Variants in FTO observed in about 807,000 individuals in gnomAD.
FTO encodes FTO alpha-ketoglutarate dependent dioxygenase, also known as alpha-ketoglutarate-dependent dioxygenase FTO.
Under a neutral mutation model 63.9 loss-of-function variants are expected in FTO, and 47 were observed. The observed-to-expected ratio is 0.74, with a 90% CI of 0.58 to 0.94. The LOEUF (loss-of-function observed/expected upper bound fraction) is 0.94. FTO is among the 40% of genes least tolerant of loss of function. FTO has a pLI of 0.00. For missense variants in FTO, 562 were observed against 618.1 expected (o/e 0.91, Z 0.96); for synonymous variants, 207 against 224.4 (o/e 0.92, Z 0.69).
intron 8 of FTO, chr16:54,013,641 A>G (rs1478161899): frequency 2.0e-5 from 3 of 152,216 alleles, no homozygotes; most frequent in Non-Finnish European, 4.4e-5. Flanking sequence ...GCCTTCAACA[A>G]CCACCACCCC....
At chr16:53,934,173 C>A (rs2082338848) in intron 8 of FTO, 64 bp downstream of exon 8, 1 of 1,566,376 alleles carries the variant, frequency 6.4e-7, no homozygotes, top group African/African-American at 1.4e-5. Context: ...TTGGCCAAGC[C>A]CTTCCTTATG....
intron 8 of FTO, among the ~76,000 whole-genome samples, chr16:54,024,786 TC>T (rs1424019711): frequency 2.6e-5 from 4 of 152,214 alleles, no homozygotes; most frequent in Non-Finnish European, 5.9e-5. Flanking sequence ...AAGGAAACAC[TC>T]CATAAAGGTA....
chr16:53,945,055 A>T (rs752723221), intron 8 of FTO, among the ~76,000 whole-genome samples: 1 of 152,042 alleles, frequency 6.6e-6, no homozygotes, highest in Non-Finnish European at 1.5e-5. Context: ...TGACTATAGG[A>T]CTCTGGGCAT....
chr16:53,759,345 A>G (rs1316837500), intron 1 of FTO, among the ~76,000 whole-genome samples: 2 of 152,238 alleles, frequency 1.3e-5, no homozygotes, highest in Non-Finnish European at 2.9e-5. Flanking sequence ...TCCAGTATTT[A>G]ACTCTGGGAG....
chr16:53,804,686 A>C (rs2078314531), intron 1 of FTO, among the ~76,000 whole-genome samples: 1 of 139,228 alleles, frequency 7.2e-6, no homozygotes, highest in African/African-American at 2.7e-5. Context: ...TGCAGCGGTG[A>C]CTCACTGCAA....
At chr16:54,091,691 C>A (rs1260351947) in intron 8 of FTO, among the ~76,000 whole-genome samples, 2 of 152,188 alleles carry the variant, frequency 1.3e-5, no homozygotes, top group African/African-American at 4.8e-5. Context: ...TGGATGTAAA[C>A]CTGTGAGTGG....
At chr16:53,833,459 A>T (rs1233680248) in intron 3 of FTO, among the ~76,000 whole-genome samples, 2 of 152,242 alleles carry the variant, frequency 1.3e-5, no homozygotes, top group African/African-American at 4.8e-5. Context: ...GGCTATTCAT[A>T]ATAGCCATCT....
intron 4 of FTO, among the ~76,000 whole-genome samples, chr16:53,866,092 AT>A (rs1321764758): frequency 6.6e-6 from 1 of 152,138 alleles, no homozygotes; most frequent in Non-Finnish European, 1.5e-5. Flanking sequence ...TTTACTGAGA[AT>A]TTTTTATCAT....
chr16:53,767,530 C>T (rs965691206), intron 1 of FTO, among the ~76,000 whole-genome samples: 11 of 151,718 alleles, frequency 7.3e-5, no homozygotes, highest in Admixed American at 7.2e-4. Flanking sequence ...AAATAAAATA[C>T]TATAATCTGA....
intron 1 of FTO, among the ~76,000 whole-genome samples, chr16:53,706,593 C>T (rs929617288): frequency 1.3e-4 from 19 of 151,824 alleles, no homozygotes; most frequent in Non-Finnish European, 1.6e-4. Flanking sequence ...GAGATGGTGT[C>T]TTGCTGTGTT....
chr16:53,773,481 T>A (rs1792420829), intron 1 of FTO, among the ~76,000 whole-genome samples: 1 of 152,154 alleles, frequency 6.6e-6, no homozygotes, highest in African/African-American at 2.4e-5. Flanking sequence ...AGGCAGCTAC[T>A]TAACGCCCTG....
chr16:54,016,778 C>T (rs2084459302), intron 8 of FTO, among the ~76,000 whole-genome samples: 1 of 152,146 alleles, frequency 6.6e-6, no homozygotes, highest in Non-Finnish European at 1.5e-5. Flanking sequence ...TGGAGCATCT[C>T]ATGGCTTTGT....
intron 8 of FTO, among the ~76,000 whole-genome samples, chr16:54,016,315 A>C (rs2144113069): frequency 6.6e-6 from 1 of 151,874 alleles, no homozygotes; most frequent in East Asian, 1.9e-4. Flanking sequence ...AAAAAAAAAA[A>C]CTGGAAGACT....
chr16:53,806,147 C>T (rs1249736464), intron 1 of FTO, among the ~76,000 whole-genome samples: 1 of 152,144 alleles, frequency 6.6e-6, no homozygotes, highest in Non-Finnish European at 1.5e-5. Context: ...TTTTTCCTCT[C>T]CTCTTTAGTG....
chr16:53,763,652 TA>T (rs1423036693), intron 1 of FTO, among the ~76,000 whole-genome samples: 1 of 152,176 alleles, frequency 6.6e-6, no homozygotes, highest in East Asian at 1.9e-4. Context: ...TTCTGTCACT[TA>T]TAAAGTCAAG....
At chr16:53,798,429 C>T (rs2078135422) in intron 1 of FTO, among the ~76,000 whole-genome samples, 1 of 152,022 alleles carries the variant, frequency 6.6e-6, no homozygotes, top group Admixed American at 6.6e-5. Context: ...CATGGCATAT[C>T]TCTTTGTTTA....
intron 8 of FTO, among the ~76,000 whole-genome samples, chr16:53,950,203 C>T (rs1029574877): frequency 4.8e-5 from 5 of 103,616 alleles, no homozygotes; most frequent in African/African-American, 1.5e-4. Flanking sequence ...CACAGATGGT[C>T]CTGTTCAGGT....
chr16:53,857,440 G>GTCTCTCTCTCTCTCTCTCTC (rs147635985), intron 4 of FTO, among the ~76,000 whole-genome samples: 4 of 141,938 alleles, frequency 2.8e-5, no homozygotes, highest in African/African-American at 1.0e-4. Flanking sequence ...TGAGAACCTG[G>GTCTCTCTCTCTCTCTCTCTC]TCTCTCTCTC....
At chr16:53,849,428 C>G (rs1392074452) in intron 4 of FTO, among the ~76,000 whole-genome samples, 1 of 152,074 alleles carries the variant, frequency 6.6e-6, no homozygotes, top group Admixed American at 6.5e-5. Flanking sequence ...TGCTTCATGC[C>G]CAGAGTTTTG....
Sources: allele counts gnomAD v4.1 joint callset (sites outside exome capture counted in the v4.1 genomes callset), GRCh38; gene constraint gnomAD v4.1.1; transcripts MANE v1.5; gene names NCBI Gene and HGNC (gene_info 2026-07-23, HGNC 2026-07-21).